KIAA1671: variants seen among roughly 807,000 people sequenced by gnomAD.
The protein encoded by KIAA1671 is KIAA1671.
A neutral mutation model predicts 131.2 loss-of-function variants in KIAA1671; 52 were observed. The ratio of observed to expected loss-of-function variants is 0.40; its 90% CI spans 0.32 to 0.50. KIAA1671 has a LOEUF of 0.50. Ranked by LOEUF, KIAA1671 falls within the 20% of genes least tolerant of loss-of-function variation. The pLI is 0.73. For synonymous variants in KIAA1671, 1,003 were observed against 961.6 expected (o/e 1.04, Z -0.80); for missense variants, 2,360 against 2,364.2 (o/e 1.00, Z 0.04).
intron 1 of KIAA1671, among the ~76,000 whole-genome samples, chr22:24,960,193 G>A (rs547133876): frequency 5.4e-4 from 82 of 151,546 alleles, no homozygotes; most frequent in Non-Finnish European, 1.0e-3. Flanking sequence ...TTTCACACGT[G>A]AATTAAAAAT....
At chr22:25,177,290 T>C in intron 8 of KIAA1671, 58 bp from the exon 9 acceptor site, 1 of 1,464,628 alleles carries the variant, frequency 6.8e-7, no homozygotes. Context: ...TGTGTTGTGG[T>C]ACCCTCCATT....
intron 4 of KIAA1671, among the ~76,000 whole-genome samples, chr22:25,036,337 C>T (rs1926595071): frequency 6.6e-6 from 1 of 151,958 alleles, no homozygotes; most frequent in African/African-American, 2.4e-5. Flanking sequence ...GCCTCGGCCT[C>T]CCAAAGTGCT....
intron 1 of KIAA1671, among the ~76,000 whole-genome samples, chr22:24,988,024 C>T (rs1923643235): frequency 6.6e-6 from 1 of 151,740 alleles, no homozygotes; most frequent in Non-Finnish European, 1.5e-5. Context: ...GCCTGTAATC[C>T]CAGCACTTTG....
At chr22:25,127,728 T>C (rs990508860) in intron 6 of KIAA1671, among the ~76,000 whole-genome samples, 2 of 152,248 alleles carry the variant, frequency 1.3e-5, no homozygotes, top group Admixed American at 1.3e-4. Flanking sequence ...TTGGATTTTC[T>C]TTTCCTCTTC....
chr22:25,189,131 T>TCTTTTTC (rs1484344338), intron 11 of KIAA1671, among the ~76,000 whole-genome samples: 1 of 148,066 alleles, frequency 6.8e-6, no homozygotes, highest in African/African-American at 2.5e-5. Flanking sequence ...TTTTTCTTTT[T>TCTTTTTC]TTTTTTTTTT....
chr22:25,016,519 C>T (rs541027539), intron 1 of KIAA1671, among the ~76,000 whole-genome samples: 7 of 152,256 alleles, frequency 4.6e-5, no homozygotes, highest in African/African-American at 1.4e-4. Flanking sequence ...CCTCTTGTGT[C>T]TGAGGCCCAG....
Position 25,028,516 on chromosome 22 carries a change from G to A in KIAA1671, c.517G>A (p.Gly173Ser). ...GAEEAKLGVSGSRPEVAAKPA... is the reference protein window; with the variant it reads ...GAEEAKLGVSSSRPEVAAKPA... Reference sequence around the variant, plus strand: ...GGAGGAGGCCAAGCTAGGTGTGTCCGGCTCCCGGCCTGAGGTGGCTGCCAA... The same window carrying A: ...GGAGGAGGCCAAGCTAGGTGTGTCCAGCTCCCGGCCTGAGGTGGCTGCCAA... The change falls in exon 3 of 13, where the codon GGC becomes AGC. Residue 173 changes from glycine to serine, a missense_variant. Gly to Ser is a moderately conservative substitution (Grantham distance 56, BLOSUM62 0). Around this residue, in one of 3 missense-constraint regions of KIAA1671, gnomAD observed 1,185 missense variants for 1,126.2 expected, o/e 1.05. Transcript: ENST00000358431. 7 of 1,549,358 alleles carry A rather than the reference G, an allele frequency of 4.5e-6. No individual in the cohort carries two copies. The highest frequency in any genetic ancestry group is 1.7e-4 in the Middle Eastern group (1 of 5,988).
At chr22:24,996,084 TAG>T (rs1032652462) in intron 1 of KIAA1671, among the ~76,000 whole-genome samples, 8 of 152,188 alleles carry the variant, frequency 5.3e-5, no homozygotes, top group African/African-American at 1.9e-4. Context: ...CAGGAGAGTG[TAG>T]AGTGTTTTCT....
At chr22:25,037,255 G>A (rs1251908597) in intron 4 of KIAA1671, among the ~76,000 whole-genome samples, 2 of 150,996 alleles carry the variant, frequency 1.3e-5, no homozygotes, top group Non-Finnish European at 3.0e-5. Flanking sequence ...TCCGGAAGGC[G>A]GAGGTTGCAG....
At chr22:25,043,750 C>T (rs1337169961) in intron 5 of KIAA1671, among the ~76,000 whole-genome samples, 21 of 152,276 alleles carry the variant, frequency 1.4e-4, no homozygotes, top group South Asian at 8.3e-4. Flanking sequence ...AGGGCATTCT[C>T]AGCAGGGCAC....
chr22:25,140,659 C>T (rs1932794141), intron 6 of KIAA1671, among the ~76,000 whole-genome samples: 1 of 152,194 alleles, frequency 6.6e-6, no homozygotes, highest in African/African-American at 2.4e-5. Context: ...CGGGGTCTGT[C>T]AGCCACATGC....
intron 1 of KIAA1671, among the ~76,000 whole-genome samples, chr22:24,979,256 T>C (rs888428964): frequency 2.7e-5 from 4 of 150,064 alleles, no homozygotes; most frequent in Non-Finnish European, 4.4e-5. Context: ...CCTCAGGTGA[T>C]CTGCCTGCCT....
chr22:25,092,499 T>C (rs1319254669), intron 6 of KIAA1671, among the ~76,000 whole-genome samples: 1 of 152,080 alleles, frequency 6.6e-6, no homozygotes, highest in African/African-American at 2.4e-5. Context: ...GGGAGCATTT[T>C]TGGTGGAGGC....
At chr22:25,191,949 T>G (rs753570137) in intron 12 of KIAA1671, among the ~76,000 whole-genome samples, 3 of 152,166 alleles carry the variant, frequency 2.0e-5, no homozygotes, top group Non-Finnish European at 2.9e-5. Context: ...TATGGTGGTG[T>G]TACATATGTA....
chr22:25,071,833 T>C (rs969965551), intron 6 of KIAA1671, among the ~76,000 whole-genome samples: 4 of 152,160 alleles, frequency 2.6e-5, no homozygotes, highest in African/African-American at 9.7e-5. Context: ...TAGCGCCAGA[T>C]ACTTGGAATA....
intron 6 of KIAA1671, among the ~76,000 whole-genome samples, chr22:25,111,266 G>T (rs1229371038): frequency 6.6e-6 from 1 of 152,232 alleles, no homozygotes; most frequent in Non-Finnish European, 1.5e-5. Flanking sequence ...CACACGTGCA[G>T]CCGCATTTCC....
intron 2 of KIAA1671, 71 bp from the exon 3 acceptor site, chr22:25,027,874 A>C (rs1422832129): frequency 1.3e-6 from 1 of 769,848 alleles, no homozygotes; most frequent in Non-Finnish European, 2.0e-6. Context: ...CCATTTCTCT[A>C]AACCATTCTG....
intron 6 of KIAA1671, among the ~76,000 whole-genome samples, chr22:25,100,814 G>A (rs184860770): frequency 3.9e-5 from 6 of 152,316 alleles, no homozygotes; most frequent in Admixed American, 2.6e-4. Flanking sequence ...GTTCATAGTA[G>A]ACACTCAAGA....
intron 1 of KIAA1671, among the ~76,000 whole-genome samples, chr22:25,001,031 G>A (rs1216228434): frequency 1.3e-5 from 2 of 151,412 alleles, no homozygotes; most frequent in African/African-American, 2.4e-5. Context: ...TTCTGTGTAT[G>A]TGTGTAAAGT....
Sources: allele counts gnomAD v4.1 joint callset (sites outside exome capture counted in the v4.1 genomes callset), GRCh38; gene constraint gnomAD v4.1.1; regional missense constraint gnomAD v4.1.1; transcripts MANE v1.5; gene names NCBI Gene and HGNC (gene_info 2026-07-23, HGNC 2026-07-21).